The following RAPGEF1 variants were observed in gnomAD, a reference collection of about 807,000 sequenced individuals.
RAPGEF1 encodes the protein CRK SH3-binding GNRP.
Under a neutral mutation model 143.3 loss-of-function variants are expected in RAPGEF1, and 33 were observed. That is an observed-to-expected ratio of 0.23 (90% CI 0.17 to 0.31). The LOEUF (loss-of-function observed/expected upper bound fraction) is 0.31, where lower values mean the gene tolerates loss of function less well. Among genes scored for constraint, RAPGEF1 ranks in the 10% least tolerant of loss-of-function variants. RAPGEF1 has a pLI of 1.00. For missense variants in RAPGEF1, 1,199 were observed against 1,645.4 expected, an observed-to-expected ratio of 0.73 and a Z score of 4.69; for synonymous variants, 629 against 676.5, an observed-to-expected ratio of 0.93 and a Z score of 1.09.
At chr9:131,616,204 T>C (rs1474418477) in intron 12 of RAPGEF1, among the ~76,000 whole-genome samples, 1 of 151,776 alleles carries the variant, frequency 6.6e-6, no homozygotes, top group Non-Finnish European at 1.5e-5. Flanking sequence ...GAGGCGGAGG[T>C]TGCAGTGAGC....
intron 17 of RAPGEF1, among the ~76,000 whole-genome samples, chr9:131,595,679 G>A (rs1407138852): frequency 1.4e-5 from 1 of 72,308 alleles, no homozygotes; most frequent in African/African-American, 7.1e-5. Flanking sequence ...CCTTTCCAGA[G>A]CATGACTGGG....
chr9:131,608,742 T>C (rs1347284108), intron 12 of RAPGEF1, among the ~76,000 whole-genome samples: 2 of 152,184 alleles, frequency 1.3e-5, no homozygotes, highest in South Asian at 2.1e-4. Flanking sequence ...CATGAAGCCC[T>C]TGCTGTGCCC....
intron 17 of RAPGEF1, among the ~76,000 whole-genome samples, chr9:131,593,487 C>T (rs1384498168): frequency 6.6e-6 from 1 of 152,198 alleles, no homozygotes; most frequent in Admixed American, 6.5e-5. Flanking sequence ...TGCAAACACG[C>T]ACTGCTTAAA....
chr9:131,655,717 C>T lies in RAPGEF1; in HGVS notation c.62-4768G>A, dbSNP rs1972277827. Among the ~76,000 whole-genome samples, 1 of 152,118 alleles carries T rather than the reference C, an allele frequency of 6.6e-6. No homozygotes were observed. Among genetic ancestry groups the T allele is most frequent in the African/African-American group, 2.4e-5 (1 of 41,408 alleles). On this transcript the variant is annotated intron_variant, in intron 1 of 26. Coordinates refer to ENST00000683357, the MANE Select transcript of RAPGEF1 (RefSeq NM_001377935.1). The surrounding 1 kb of genome is among the most constrained non-coding windows in gnomAD (Gnocchi z 4.1). ...CATGCAGTGCAAGATTGCACCACTG[C>T]ACTCCAGCCTGGGCGACTGCCACCA...
intron 1 of RAPGEF1, among the ~76,000 whole-genome samples, chr9:131,706,120 G>C (rs1043531533): frequency 5.4e-4 from 82 of 152,232 alleles, no homozygotes; most frequent in African/African-American, 1.9e-3. Context: ...GATATGCCCA[G>C]GATTCCCATT....
At chr9:131,660,127 A>G (rs1973631509) in intron 1 of RAPGEF1, among the ~76,000 whole-genome samples, 1 of 152,178 alleles carries the variant, frequency 6.6e-6, no homozygotes, top group African/African-American at 2.4e-5. Flanking sequence ...CTGGAGTTAT[A>G]TTTTTCTAAC....
chr9:131,686,186 C>G (rs1320590758), intron 1 of RAPGEF1, among the ~76,000 whole-genome samples: 1 of 152,210 alleles, frequency 6.6e-6, no homozygotes, highest in Non-Finnish European at 1.5e-5. Flanking sequence ...GTGGGCCATA[C>G]AATCTGTTGC....
At chr9:131,599,874 T>C (rs1392665308) in intron 15 of RAPGEF1, among the ~76,000 whole-genome samples, 4 of 152,160 alleles carry the variant, frequency 2.6e-5, no homozygotes, top group African/African-American at 9.7e-5. Context: ...TTCCAGCACT[T>C]TGGGAGGCCG....
At chr9:131,717,271 C>T (rs1038501146) in intron 1 of RAPGEF1, among the ~76,000 whole-genome samples, 1 of 152,166 alleles carries the variant, frequency 6.6e-6, no homozygotes, top group Non-Finnish European at 1.5e-5. Context: ...AGGATGAACA[C>T]GGTCACAGCC....
At chr9:131,703,023 A>C (rs1834777166) in intron 1 of RAPGEF1, among the ~76,000 whole-genome samples, 2 of 152,226 alleles carry the variant, frequency 1.3e-5, no homozygotes, top group South Asian at 4.1e-4. Context: ...GTTTTAGGTC[A>C]TTCACTCATT....
intron 1 of RAPGEF1, among the ~76,000 whole-genome samples, chr9:131,693,663 TC>T (rs1386680842): frequency 6.6e-6 from 1 of 152,154 alleles, no homozygotes; most frequent in East Asian, 1.9e-4. Context: ...CAAGTGTTTC[TC>T]AATTCTGGAA....
intron 1 of RAPGEF1, among the ~76,000 whole-genome samples, chr9:131,684,770 T>C (rs2130955596): frequency 6.6e-6 from 1 of 152,268 alleles, no homozygotes; most frequent in East Asian, 1.9e-4. Flanking sequence ...CAGCCCAAAA[T>C]CAACAGCCGA....
intron 12 of RAPGEF1, among the ~76,000 whole-genome samples, chr9:131,610,212 A>C (rs1957820380): frequency 6.6e-6 from 1 of 152,198 alleles, no homozygotes; most frequent in Non-Finnish European, 1.5e-5. Context: ...CAGATCTTTA[A>C]AGGAACAATT....
At chr9:131,604,138 G>A in intron 13 of RAPGEF1, 85 bp from the exon 14 acceptor site, 3 of 818,290 alleles carry the variant, frequency 3.7e-6, no homozygotes, top group Non-Finnish European at 5.4e-6. Context: ...GCCACAGCCT[G>A]CACTCTGGTC....
chr9:131,585,581 G>C (rs563979775), intron 22 of RAPGEF1, among the ~76,000 whole-genome samples: 1 of 152,254 alleles, frequency 6.6e-6, no homozygotes, highest in South Asian at 2.1e-4. Flanking sequence ...TGCAGCTTCC[G>C]TCTGCTTTAG....
chr9:131,671,529 G>A (rs944906195), intron 1 of RAPGEF1, among the ~76,000 whole-genome samples: 1 of 152,234 alleles, frequency 6.6e-6, no homozygotes, highest in African/African-American at 2.4e-5. Context: ...AGAGGTTCTG[G>A]GGGCACTGGA....
chr9:131,710,619 T>C (rs1835437800), intron 1 of RAPGEF1, among the ~76,000 whole-genome samples: 1 of 152,254 alleles, frequency 6.6e-6, no homozygotes, highest in East Asian at 1.9e-4. Context: ...CCGGGCGAGG[T>C]GGCTCACGCC....
rs1174605212 is a variant in RAPGEF1 at position 131,655,767 on chromosome 9, T to C, written c.62-4818A>G. Among the ~76,000 whole-genome samples, 1 of 152,124 alleles carries C rather than the reference T, an allele frequency of 6.6e-6. No individual in the cohort carries two copies. Among genetic ancestry groups the C allele is most frequent in the Non-Finnish European group, 1.5e-5 (1 of 68,016 alleles). ...ACGCCTGGCTAATTTTTTTGTATTT[T>C]TAGTAGAGACGGGGTGTCACCGTGT... On this transcript the variant is annotated intron_variant, in intron 1 of 26. Transcript: ENST00000683357. The surrounding 1 kb of genome is among the most constrained non-coding windows in gnomAD (Gnocchi z 4.1).
intron 10 of RAPGEF1, 122 bp downstream of exon 10, chr9:131,625,800 T>C: frequency 7.5e-7 from 1 of 1,334,144 alleles, no homozygotes; most frequent in Non-Finnish European, 1.0e-6. Flanking sequence ...CATACCTGGC[T>C]GGCCTATCTT....
Sources: gnomAD v4.1 joint callset for allele counts (sites outside exome capture counted in the v4.1 genomes callset) on GRCh38, gnomAD v4.1.1 for gene constraint, Gnocchi (gnomAD v3.1) non-coding constraint, MANE v1.5 for transcripts, NCBI Gene and HGNC (gene_info 2026-07-23, HGNC 2026-07-21) for gene names.